The following BRD1 variants were observed in gnomAD, a reference collection of about 807,000 sequenced individuals.
BRD1 encodes the protein bromodomain containing 1, also known as bromodomain-containing protein 1.
Under a neutral mutation model 107.7 loss-of-function variants are expected in BRD1, and 24 were observed. The observed-to-expected ratio is 0.22, with a 90% confidence interval of 0.16 to 0.31. The LOEUF (loss-of-function observed/expected upper bound fraction) is 0.31. BRD1 is among the 10% of genes least tolerant of loss of function. The pLI, the probability that BRD1 is intolerant of heterozygous loss-of-function variation, is 1.00. For synonymous variants in BRD1, 744 were observed against 686.1 expected, an observed-to-expected ratio of 1.08 and a Z score of -1.32; for missense variants, 1,279 against 1,638.6, an observed-to-expected ratio of 0.78 and a Z score of 3.79.
At position 49,822,045 on chromosome 22, in the gene BRD1, G is replaced by A. The variant is rs1163230043; in HGVS notation, c.1367+906C>T. On this transcript the variant is annotated intron_variant, in intron 2 of 12. Transcript: ENST00000404760. ...ATGCCGGCAGTCACTGGGAAGCCCA[G>A]GCCAGAGCCCCTCGGGTTGAAAGTC... 2.0e-5 allele frequency among the ~76,000 whole-genome samples: 3 copies of A among 152,378 alleles called. No individual in the cohort carries two copies. In the East Asian group the frequency reaches 5.8e-4, roughly 29 times the overall value.
intron 8 of BRD1, among the ~76,000 whole-genome samples, chr22:49,784,059 A>T (rs1220913378): frequency 6.6e-6 from 1 of 152,192 alleles, no homozygotes; most frequent in African/African-American, 2.4e-5. Flanking sequence ...GCCGAAGGAC[A>T]CTGAAGACAC....
chr22:49,824,375 C>A lies in BRD1; in HGVS notation c.-14-44G>T. 1 of 1,589,072 alleles carries A rather than the reference C, an allele frequency of 6.3e-7. No homozygotes were observed. The highest frequency in any genetic ancestry group is 1.1e-5 in the South Asian group (1 of 87,874). ...TAAAGGTAATTCTACGCAGGGTGAC[C>A]AAAGACTCGAGAAAACCACAAAAGC... On this transcript the variant is annotated intron_variant, in intron 1 of 12. Coordinates refer to ENST00000404760, the MANE Select transcript of BRD1 (RefSeq NM_001304808.3). The surrounding 1 kb of genome is among the most constrained non-coding windows in gnomAD (Gnocchi z 5.9).
chr22:49,810,061 C>G (rs1411229057), intron 2 of BRD1, among the ~76,000 whole-genome samples: 1 of 152,162 alleles, frequency 6.6e-6, no homozygotes, highest in Non-Finnish European at 1.5e-5. Context: ...GCGTACCATG[C>G]AGGTCACGTC....
At chr22:49,776,894 C>G in intron 10 of BRD1, 140 bp downstream of exon 10, 1 of 1,267,756 alleles carries the variant, frequency 7.9e-7, no homozygotes, top group Non-Finnish European at 1.1e-6. Context: ...GTGATGAACC[C>G]TTCCCCGGGA....
Position 49,824,231 on chromosome 22 carries a change from T to G in BRD1, c.87A>C (p.Glu29Asp). ...TTTGAGCTTGAGCGTAGGTCAGCGT[T>G]TCTCGCGTAGGGGAGTGTTTAACAC... ...PCSVKHSPTR[E>D]TLTYAQAQRM... The change falls in exon 2 of 13, where the codon GAA (glutamate) becomes GAC (aspartate). Residue 29 changes from glutamate to aspartate, a missense_variant. By Grantham distance (45) the Glu-to-Asp change is conservative. This residue lies in a region of BRD1 where 223 missense variants were observed against 263.5 expected (regional missense o/e 0.85). Transcript: ENST00000404760. The surrounding 1 kb of genome is among the most constrained non-coding windows in gnomAD (Gnocchi z 5.9). 1 of 1,614,038 alleles carries G rather than the reference T, an allele frequency of 6.2e-7. No homozygotes were observed.
In BRD1 at chr22:49,787,815, T is replaced by G; in HGVS notation, c.2432A>C (p.Glu811Ala). The G allele has an allele frequency of 6.4e-7, 1 of 1,550,822 alleles. No homozygotes were observed. The change falls in exon 8 of 13, where the codon GAA (glutamate) becomes GCA (alanine). Residue 811 changes from glutamate to alanine, a missense_variant. By Grantham distance (107) the Glu-to-Ala change is moderately radical (BLOSUM62 -1). Around this residue, in one of 7 missense-constraint regions of BRD1, gnomAD observed 406 missense variants for 519.4 expected, o/e 0.78. Transcript: ENST00000404760. ...TTCTACTGGTTTGAGGGTTGGTGGTTCTGAATTAGTCTCCGAGTTTGAAGG... is the reference window on the plus strand; with the variant it reads ...TTCTACTGGTTTGAGGGTTGGTGGTGCTGAATTAGTCTCCGAGTTTGAAGG... ...PLPSNSETNSEPPTLKPVELN... is the reference protein window; with the variant it reads ...PLPSNSETNSAPPTLKPVELN...
intron 2 of BRD1, among the ~76,000 whole-genome samples, chr22:49,811,818 C>T (rs1248538198): frequency 6.6e-6 from 1 of 152,172 alleles, no homozygotes; most frequent in Admixed American, 6.5e-5. Context: ...TGGGACACAC[C>T]GCACAGGCGA....
intron 8 of BRD1, 54 bp downstream of exon 8, chr22:49,787,336 C>T (rs1044671117): frequency 1.2e-4 from 133 of 1,136,514 alleles, no homozygotes; most frequent in Non-Finnish European, 1.5e-4. Flanking sequence ...TCCTGAAGGA[C>T]GCTCCAGGCA....
rs559778337 is a variant in BRD1 at position 49,801,977 on chromosome 22, G to A, written c.1524+2227C>T. 5.3e-5 allele frequency among the ~76,000 whole-genome samples: 8 copies of A among 152,314 alleles called. No individual in the cohort carries two copies. In the East Asian group the frequency reaches 1.5e-3, roughly 29 times the overall value. ...GATGATTCCCACCGCTGGACGTCCC[G>A]TTTGGCCACATCCATGCCCACTTTC... On this transcript the variant is annotated intron_variant, in intron 3 of 12. Transcript: ENST00000404760.
At position 49,823,354 on chromosome 22, in the gene BRD1, G is replaced by A. The variant is rs1164193595; in HGVS notation, c.964C>T (p.Arg322Trp). The change falls in exon 2 of 13, where the codon CGG (arginine) becomes TGG (tryptophan). Residue 322 changes from arginine (R) to tryptophan (W), a missense_variant. By Grantham distance (101) the Arg-to-Trp change is moderately radical. Transcript: ENST00000404760. The part of the protein sequence containing the change: ...IDGVRNIPPA[R>W]WKLTCYLCKQ... ...CAGAGGTAGCATGTCAGTTTCCACC[G>A]GGCTGGAGGGATGTTCCTCACCCCA... The A allele has an allele frequency of 3.7e-6, 6 of 1,614,114 alleles. No individual in the cohort carries two copies. The highest frequency in any genetic ancestry group is 4.2e-6 in the Non-Finnish European group (5 of 1,180,034).
At position 49,827,795 on chromosome 22, in the gene BRD1, G is replaced by A. The variant is rs2060162379; in HGVS notation, c.-313C>T. Among the ~76,000 whole-genome samples the A allele has an allele frequency of 6.9e-6, 1 of 145,264 alleles. No homozygotes were observed. Among genetic ancestry groups the A allele is most frequent in the Admixed American group, 6.8e-5 (1 of 14,708 alleles). ...GCGCGGGCGCGGGAGCGGGCGGCGG[G>A]CGGCGGGCGCGGGACGCGGGGCTGG... On this transcript the variant is annotated 5_prime_UTR_variant, in exon 1 of 13. Transcript: ENST00000404760.
At chr22:49,798,938 C>T in intron 4 of BRD1, 50 bp downstream of exon 4, 1 of 1,551,654 alleles carries the variant, frequency 6.4e-7, no homozygotes, top group Non-Finnish European at 8.7e-7. Flanking sequence ...GCGTCCCACC[C>T]ACGCCCCGTG....
At chr22:49,819,789 T>C (rs1294399114) in intron 2 of BRD1, among the ~76,000 whole-genome samples, 1 of 152,034 alleles carries the variant, frequency 6.6e-6, no homozygotes, top group Non-Finnish European at 1.5e-5. Context: ...TGTTATTATT[T>C]AATCATAGTA....
chr22:49,793,962 T>TCTGTGCCTGTGC (rs568083785), intron 7 of BRD1, 72 bp downstream of exon 7: 1 of 1,546,460 alleles, frequency 6.5e-7, no homozygotes, highest in Non-Finnish European at 8.7e-7. Flanking sequence ...CGTGTCTGGG[T>TCTGTGCCTGTGC]CTGTGCCTGT....
chr22:49,782,146 C>G (rs1303771764), intron 8 of BRD1, among the ~76,000 whole-genome samples: 2 of 139,110 alleles, frequency 1.4e-5, no homozygotes, highest in East Asian at 4.4e-4. Flanking sequence ...TGCACGAGAC[C>G]TGCTCTTGCT....
intron 7 of BRD1, among the ~76,000 whole-genome samples, chr22:49,790,180 C>G (rs977952724): frequency 2.0e-5 from 3 of 152,220 alleles, no homozygotes; most frequent in Non-Finnish European, 4.4e-5. Flanking sequence ...GCCCCTCCCC[C>G]AGCCGGGACC....
chr22:49,801,547 C>T (rs948395938), intron 3 of BRD1, among the ~76,000 whole-genome samples: 4 of 152,242 alleles, frequency 2.6e-5, no homozygotes, highest in African/African-American at 7.2e-5. Flanking sequence ...CTCCCAATAG[C>T]CCGTTCACAC....
intron 3 of BRD1, among the ~76,000 whole-genome samples, chr22:49,801,950 A>G (rs2059649598): frequency 6.6e-6 from 1 of 152,194 alleles, no homozygotes; most frequent in Non-Finnish European, 1.5e-5. Flanking sequence ...GAGAGTAGAA[A>G]TGATGATTCC....
intron 7 of BRD1, among the ~76,000 whole-genome samples, chr22:49,788,196 A>G (rs1220067084): frequency 1.3e-5 from 2 of 152,240 alleles, no homozygotes; most frequent in Admixed American, 6.5e-5. Flanking sequence ...CAGTTTCTGC[A>G]ATGAATAATT....
Sources: allele counts gnomAD v4.1 joint callset (sites outside exome capture counted in the v4.1 genomes callset), GRCh38; gene constraint gnomAD v4.1.1; regional missense constraint gnomAD v4.1.1; non-coding constraint Gnocchi (gnomAD v3.1); transcripts MANE v1.5; gene names NCBI Gene and HGNC (gene_info 2026-07-23, HGNC 2026-07-21).